Variants in LIFR observed in about 807,000 individuals in gnomAD.
The protein encoded by LIFR is leukemia inhibitory factor receptor.
In LIFR, 84 loss-of-function variants were observed where a neutral mutation model predicts 122.2. That is an observed-to-expected ratio of 0.69 (90% CI 0.58 to 0.82). The LOEUF (loss-of-function observed/expected upper bound fraction) is 0.82. Ranked by LOEUF, LIFR falls within the 40% of genes least tolerant of loss-of-function variation. The probability of loss-of-function intolerance (pLI) is 0.00; values close to 1 mark genes in which losing one functional copy is unlikely to be tolerated. For missense variants in LIFR, 1,294 were observed against 1,311.6 expected (o/e 0.99, Z 0.21); for synonymous variants, 422 against 434.7 (o/e 0.97, Z 0.36).
intron 1 of LIFR, among the ~76,000 whole-genome samples, chr5:38,587,515 CAG>C (rs965276805): frequency 7.3e-5 from 11 of 150,258 alleles, no homozygotes; most frequent in Admixed American, 3.3e-4. Context: ...CTTGAGCTAA[CAG>C]AACTAGCAAG....
In LIFR at chr5:38,479,819, GAT is replaced by G; in HGVS notation, c.*1774_*1775del. The stretch of plus-strand genomic sequence containing the variant: ...CACTCTTTAGGGATGGCTCTGATTG[GAT>G]ATATTTTTCATTACTGAACATTTCT... On this transcript the variant is annotated 3_prime_UTR_variant, in exon 20 of 20. Coordinates refer to ENST00000453190, the MANE Select transcript of LIFR (RefSeq NM_001127671.2). 1 of 229,318 alleles carries G rather than the reference GAT, an allele frequency of 4.4e-6. No homozygotes were observed. Among genetic ancestry groups the G allele is most frequent in the Non-Finnish European group, 8.6e-6 (1 of 115,646 alleles). 14.2% of individuals were successfully genotyped at this position (229,318 alleles called of 1,614,324 possible).
At chr5:38,561,439 A>G (rs1748834364), upstream of LIFR, among the ~76,000 whole-genome samples, 1 of 152,186 alleles carries the variant, frequency 6.6e-6, no homozygotes, top group Non-Finnish European at 1.5e-5. Context: ...TATTAAAAGT[A>G]CCTACCTCGT....
At chr5:38,594,717 A>C (rs1460272954) in intron 1 of LIFR, among the ~76,000 whole-genome samples, 2 of 152,254 alleles carry the variant, frequency 1.3e-5, no homozygotes, top group African/African-American at 4.8e-5. Context: ...TCATGTTCAC[A>C]TACACAATGA....
At chr5:38,486,497 T>C (rs1744291868) in intron 16 of LIFR, among the ~76,000 whole-genome samples, 1 of 152,186 alleles carries the variant, frequency 6.6e-6, no homozygotes, top group Admixed American at 6.5e-5. Flanking sequence ...GGGTTATAAC[T>C]TCAAAAGGAA....
At position 38,481,051 on chromosome 5, in the gene LIFR, CATTAAAAATTAT is replaced by C. The variant is rs1425569434; in HGVS notation, c.*532_*543del. On this transcript the variant is annotated 3_prime_UTR_variant, in exon 20 of 20. Transcript: ENST00000453190. ...ACAAAACACTAAATCGCTGTCACTA[CATTAAAAATTAT>C]ATTAATTTTTGTGAATGCTGTGGAT... is the stretch of plus-strand genomic sequence containing the variant. 7.4e-5 allele frequency: 17 copies of C among 229,072 alleles called. No homozygotes were observed. The highest frequency in any genetic ancestry group is 1.5e-4 in the Non-Finnish European group (17 of 114,992). 14.2% of individuals were successfully genotyped at this position (229,072 alleles called of 1,614,324 possible). A position where few individuals can be genotyped will look rare whatever the true frequency, so the allele number is the denominator to read the frequency against.
At chr5:38,561,246 G>A (rs1278143515), upstream of LIFR, among the ~76,000 whole-genome samples, 1 of 152,110 alleles carries the variant, frequency 6.6e-6, no homozygotes, top group Admixed American at 6.6e-5. Context: ...ATCTTTTGGT[G>A]GCATACAGAG....
chr5:38,564,606 A>G (rs1392721741), intron 1 of LIFR, among the ~76,000 whole-genome samples: 2 of 152,050 alleles, frequency 1.3e-5, no homozygotes, highest in African/African-American at 4.8e-5. Context: ...AAAACCACCA[A>G]CAGCCGGGAG....
chr5:38,513,460 G>A lies in LIFR; in HGVS notation c.562-1496C>T, dbSNP rs115086741. On this transcript the variant is annotated intron_variant, in intron 5 of 19. Coordinates refer to ENST00000453190, the MANE Select transcript of LIFR (RefSeq NM_001127671.2). Reference sequence around the variant, plus strand: ...TCCACACTACCGAAGGACTACCTTTGTTTACCTTGGCAGAAGAATAAAGAT... The same window carrying A: ...TCCACACTACCGAAGGACTACCTTTATTTACCTTGGCAGAAGAATAAAGAT... Among the ~76,000 whole-genome samples the A allele has an allele frequency of 5.8e-3, 889 of 152,306 alleles. 12 individuals carry two copies. The highest frequency in any genetic ancestry group is 0.02 in the African/African-American group (833 of 41,566).
intron 9 of LIFR, among the ~76,000 whole-genome samples, chr5:38,505,230 A>C (rs191111753): frequency 6.6e-6 from 1 of 152,174 alleles, no homozygotes; most frequent in African/African-American, 2.4e-5. Flanking sequence ...TCAAACTGAT[A>C]AAACAGAGAT....
chr5:38,553,714 A>G (rs1188423433), intron 1 of LIFR, among the ~76,000 whole-genome samples: 1 of 137,540 alleles, frequency 7.3e-6, no homozygotes, highest in African/African-American at 2.6e-5. Context: ...GATAGCTTAC[A>G]CTAGTCCTAA....
At chr5:38,596,688 T>C (rs1750106706), upstream of LIFR, among the ~76,000 whole-genome samples, 2 of 152,196 alleles carry the variant, frequency 1.3e-5, no homozygotes, top group African/African-American at 4.8e-5. Context: ...ATGACCTCTT[T>C]TTCACCTTGT....
intron 1 of LIFR, among the ~76,000 whole-genome samples, chr5:38,607,044 C>G (rs1440797426): frequency 6.6e-6 from 1 of 152,132 alleles, no homozygotes; most frequent in East Asian, 1.9e-4. Flanking sequence ...TTCCTAAAGT[C>G]TTAGGGAACA....
At chr5:38,555,554 GAC>G (rs1748475603) in intron 1 of LIFR, among the ~76,000 whole-genome samples, 1 of 152,058 alleles carries the variant, frequency 6.6e-6, no homozygotes, top group Non-Finnish European at 1.5e-5. Context: ...ATCTTTTAAA[GAC>G]ACATAAAAAG....
intron 1 of LIFR, among the ~76,000 whole-genome samples, chr5:38,552,093 C>A (rs1393985153): frequency 1.3e-5 from 2 of 152,134 alleles, no homozygotes; most frequent in Non-Finnish European, 2.9e-5. Flanking sequence ...CCTAAAGAAC[C>A]CTCCTTTACA....
At chr5:38,601,791 T>G (rs1161620881) in intron 2 of LIFR, among the ~76,000 whole-genome samples, 1 of 152,178 alleles carries the variant, frequency 6.6e-6, no homozygotes, top group Non-Finnish European at 1.5e-5. Context: ...CTCCCAAATA[T>G]GTATCTCTAG....
intron 2 of LIFR, among the ~76,000 whole-genome samples, chr5:38,605,838 G>A (rs542598337): frequency 1.3e-5 from 2 of 152,058 alleles, no homozygotes; most frequent in Non-Finnish European, 1.5e-5. Flanking sequence ...CCCTCTCCTC[G>A]CTTGGAGTTG....
intron 1 of LIFR, among the ~76,000 whole-genome samples, chr5:38,545,589 A>G (rs963846702): frequency 2.6e-4 from 40 of 152,104 alleles, no homozygotes; most frequent in Admixed American, 2.3e-3. Context: ...AGGGCAGGGC[A>G]CGGTGGCTCA....
chr5:38,581,420 G>A (rs560724753), intron 1 of LIFR, among the ~76,000 whole-genome samples: 9 of 152,204 alleles, frequency 5.9e-5, no homozygotes, highest in South Asian at 2.1e-4. Flanking sequence ...TCACCATTCC[G>A]CAACCACTCC....
At position 38,523,468 on chromosome 5, in the gene LIFR, A is replaced by G; in HGVS notation, c.512T>C (p.Ile171Thr). ...GSVFPHRSNVIWEIKVLRKES... is the reference protein window; with the variant it reads ...GSVFPHRSNVTWEIKVLRKES... ...TTTACGTAGAACTTTAATTTCCCAGATAACATTTGAGCGGTGTGGAAAAAC... is the reference window on the plus strand; with the variant it reads ...TTTACGTAGAACTTTAATTTCCCAGGTAACATTTGAGCGGTGTGGAAAAAC... Residue 171 changes from isoleucine (I) to threonine (T), a missense_variant, in exon 5 of 20, where the codon ATC becomes ACC. Physicochemically the swap from Ile to Thr is moderately conservative, Grantham distance 89. Transcript: ENST00000453190. 1 of 1,613,394 alleles carries G rather than the reference A, an allele frequency of 6.2e-7. No homozygotes were observed. Among genetic ancestry groups the G allele is most frequent in the Non-Finnish European group, 8.5e-7 (1 of 1,179,718 alleles).
Sources: allele counts gnomAD v4.1 joint callset (sites outside exome capture counted in the v4.1 genomes callset), GRCh38; gene constraint gnomAD v4.1.1; transcripts MANE v1.5; gene names NCBI Gene and HGNC (gene_info 2026-07-23, HGNC 2026-07-21).